WAC: variants seen among roughly 807,000 people sequenced by gnomAD.
WAC encodes WW domain containing adaptor with coiled-coil, also known as WW domain-containing adapter protein with coiled-coil.
In WAC, 11 loss-of-function variants were observed where a neutral mutation model predicts 79.6. That is an observed-to-expected ratio of 0.14 (90% CI 0.09 to 0.23). The LOEUF (loss-of-function observed/expected upper bound fraction) is 0.23. WAC is among the 10% of genes least tolerant of loss of function. The probability of loss-of-function intolerance (pLI) is 1.00; values close to 1 mark genes in which losing one functional copy is unlikely to be tolerated. For missense variants in WAC, 728 were observed against 773.5 expected (o/e 0.94, Z 0.70); for synonymous variants, 304 against 276.9 (o/e 1.10, Z -0.97).
At chr10:28,573,410 T>G (rs1839082587) in intron 3 of WAC, among the ~76,000 whole-genome samples, 1 of 152,128 alleles carries the variant, frequency 6.6e-6, no homozygotes, top group African/African-American at 2.4e-5. Context: ...CTTTTGTGAC[T>G]GGCTTCTTTC....
At chr10:28,536,569 G>A (rs934320807) in intron 3 of WAC, among the ~76,000 whole-genome samples, 1 of 152,122 alleles carries the variant, frequency 6.6e-6, no homozygotes, top group Non-Finnish European at 1.5e-5. Flanking sequence ...AACATTTTCA[G>A]TATTCTCCAG....
At chr10:28,550,531 T>TG (rs1837609144) in intron 3 of WAC, among the ~76,000 whole-genome samples, 1 of 152,144 alleles carries the variant, frequency 6.6e-6, no homozygotes, top group Non-Finnish European at 1.5e-5. Flanking sequence ...TAGGCAGCGA[T>TG]TTGTATGTGT....
Position 28,608,209 on chromosome 10 carries a change from G to T in WAC, c.943G>T (p.Val315Leu). ...RKESTSGDKP[V>L]SHSCTTPSTS... ...AGAATCTACATCAGGAGACAAACCC[G>T]TATCACATTCTTGCACAACTCCTTC... Residue 315 changes from valine (V) to leucine (L), a missense_variant, in exon 8 of 14, where the codon GTA (valine) becomes TTA (leucine). By Grantham distance (32) the Val-to-Leu change is conservative. This residue lies in a region of WAC where 648 missense variants were observed against 661.5 expected (regional missense o/e 0.98). Transcript: ENST00000354911. 1 of 1,614,042 alleles carries T rather than the reference G, an allele frequency of 6.2e-7. No individual in the cohort carries two copies. Among genetic ancestry groups the T allele is most frequent in the Non-Finnish European group, 8.5e-7 (1 of 1,180,016 alleles).
intron 3 of WAC, among the ~76,000 whole-genome samples, chr10:28,559,067 C>G (rs894455704): frequency 6.6e-6 from 1 of 151,318 alleles, no homozygotes; most frequent in Non-Finnish European, 1.5e-5. Flanking sequence ...TATCAGGCAG[C>G]CTAGTGTGTC....
At chr10:28,545,475 C>T (rs1246989913) in intron 3 of WAC, among the ~76,000 whole-genome samples, 3 of 151,908 alleles carry the variant, frequency 2.0e-5, no homozygotes, top group Non-Finnish European at 4.4e-5. Context: ...AGCGAAACTC[C>T]GTCTAAAAGA....
Position 28,546,663 on chromosome 10 carries a change from A to G in WAC, c.274+10906A>G, listed in dbSNP as rs79082638. On this transcript the variant is annotated intron_variant, in intron 3 of 13. Transcript: ENST00000354911. ...GTAATTATGAGAGTTCCTTTTTTATATAGCTGTTAAATAAATGCCAGTGTT... is the reference window on the plus strand; with the variant it reads ...GTAATTATGAGAGTTCCTTTTTTATGTAGCTGTTAAATAAATGCCAGTGTT... Among the ~76,000 whole-genome samples, 5 of 152,214 alleles carry G rather than the reference A, an allele frequency of 3.3e-5. No individual in the cohort carries two copies. In the East Asian group the frequency reaches 7.7e-4, roughly 23 times the overall value.
intron 3 of WAC, among the ~76,000 whole-genome samples, chr10:28,570,063 G>A (rs332138): frequency 0.58 from 87,761 of 152,134 alleles, 25,890 homozygotes; most frequent in East Asian, 0.68. Flanking sequence ...ACATGTCTCA[G>A]CTGAGACACA....
intron 8 of WAC, among the ~76,000 whole-genome samples, chr10:28,610,280 G>T (rs1403788548): frequency 1.3e-5 from 2 of 152,010 alleles, no homozygotes; most frequent in Non-Finnish European, 2.9e-5. Flanking sequence ...CTTGATATAG[G>T]ATTTGAATGG....
intron 3 of WAC, among the ~76,000 whole-genome samples, chr10:28,542,589 G>A (rs1837115450): frequency 6.6e-6 from 1 of 152,310 alleles, no homozygotes; most frequent in Middle Eastern, 3.4e-3. Flanking sequence ...CTCATTGGAA[G>A]GGTTGCAGTT....
intron 3 of WAC, among the ~76,000 whole-genome samples, chr10:28,567,654 C>G (rs1455899533): frequency 6.6e-6 from 1 of 152,202 alleles, no homozygotes; most frequent in Non-Finnish European, 1.5e-5. Context: ...TGACCCTTCT[C>G]TCCCACCTCT....
At chr10:28,582,380 C>G (rs1839584356) in intron 3 of WAC, among the ~76,000 whole-genome samples, 1 of 152,208 alleles carries the variant, frequency 6.6e-6, no homozygotes, top group African/African-American at 2.4e-5. Context: ...TAGTCATCAT[C>G]TGTCTCAGTT....
At chr10:28,589,927 A>G in intron 5 of WAC, 76 bp downstream of exon 5, 3 of 1,114,666 alleles carry the variant, frequency 2.7e-6, no homozygotes, top group Non-Finnish European at 4.0e-6. Context: ...AGCATTAAAC[A>G]TTCTAATTTA....
chr10:28,598,504 G>T (rs1188018627), intron 7 of WAC, among the ~76,000 whole-genome samples: 1 of 152,104 alleles, frequency 6.6e-6, no homozygotes, highest in African/African-American at 2.4e-5. Flanking sequence ...ATGTTTTACT[G>T]TATTTTGTAC....
At chr10:28,538,570 A>G (rs1836813350) in intron 3 of WAC, among the ~76,000 whole-genome samples, 2 of 131,812 alleles carry the variant, frequency 1.5e-5, no homozygotes, top group South Asian at 2.6e-4. Flanking sequence ...AGACGGATTG[A>G]GACCCTGTCT....
chr10:28,556,828 G>A (rs530817483), intron 3 of WAC, among the ~76,000 whole-genome samples: 3 of 152,112 alleles, frequency 2.0e-5, no homozygotes, highest in East Asian at 3.9e-4. Flanking sequence ...TTCCATTTCC[G>A]TTTCTCATTG....
intron 3 of WAC, among the ~76,000 whole-genome samples, chr10:28,564,674 T>G (rs1315436048): frequency 2.0e-5 from 3 of 152,226 alleles, no homozygotes; most frequent in African/African-American, 7.2e-5. Flanking sequence ...AAAATCTATT[T>G]TGAGATAATT....
chr10:28,542,563 C>G (rs534713078), intron 3 of WAC, among the ~76,000 whole-genome samples: 2 of 152,186 alleles, frequency 1.3e-5, no homozygotes, highest in Non-Finnish European at 1.5e-5. Flanking sequence ...AACCTGACTT[C>G]TTGTGAAAGT....
At chr10:28,601,809 T>G (rs1465833028) in intron 7 of WAC, among the ~76,000 whole-genome samples, 1 of 152,188 alleles carries the variant, frequency 6.6e-6, no homozygotes, top group African/African-American at 2.4e-5. Context: ...ACATATTTTA[T>G]GATTCCACAT....
At chr10:28,598,200 AGAT>A (rs1178351858) in intron 7 of WAC, among the ~76,000 whole-genome samples, 1 of 152,224 alleles carries the variant, frequency 6.6e-6, no homozygotes, top group African/African-American at 2.4e-5. Flanking sequence ...TTAAACATCC[AGAT>A]GATAAAGTCC....
Sources: allele counts gnomAD v4.1 joint callset (sites outside exome capture counted in the v4.1 genomes callset), GRCh38; gene constraint gnomAD v4.1.1; regional missense constraint gnomAD v4.1.1; transcripts MANE v1.5; gene names NCBI Gene and HGNC (gene_info 2026-07-23, HGNC 2026-07-21).